Variants in FAT3 observed in about 807,000 individuals in gnomAD.
FAT3 encodes the protein protocadherin Fat 3.
Under a neutral mutation model 310.2 loss-of-function variants are expected in FAT3, and 95 were observed. The ratio of observed to expected loss-of-function variants is 0.31; its 90% CI spans 0.26 to 0.36. The LOEUF (loss-of-function observed/expected upper bound fraction) is 0.36. Among genes scored for constraint, FAT3 ranks in the 10% least tolerant of loss-of-function variants. The pLI, the probability that FAT3 is intolerant of heterozygous loss-of-function variation, is 1.00. For missense variants in FAT3, 5,408 were observed against 5,715.6 expected (o/e 0.95, Z 1.74); for synonymous variants, 2,314 against 2,192.9 (o/e 1.06, Z -1.54).
intron 2 of FAT3, among the ~76,000 whole-genome samples, chr11:92,500,701 T>C (rs969203244): frequency 1.3e-5 from 2 of 151,960 alleles, no homozygotes; most frequent in African/African-American, 4.8e-5. Context: ...TGTAATCGGT[T>C]TTGCCAGCAG....
chr11:92,411,140 A>T (rs1396907493), intron 2 of FAT3, among the ~76,000 whole-genome samples: 1 of 91,310 alleles, frequency 1.1e-5, no homozygotes, highest in Admixed American at 1.7e-4. Flanking sequence ...TATATATTAT[A>T]TATATAAATT....
chr11:92,725,043 GA>G (rs1944961292), intron 4 of FAT3, among the ~76,000 whole-genome samples: 1 of 151,476 alleles, frequency 6.6e-6, no homozygotes, highest in South Asian at 2.1e-4. Context: ...CACAAGACAA[GA>G]ATGGAAAAAA....
chr11:92,570,281 T>C (rs1955627037), intron 3 of FAT3, among the ~76,000 whole-genome samples: 1 of 152,150 alleles, frequency 6.6e-6, no homozygotes, highest in African/African-American at 2.4e-5. Flanking sequence ...GTGAGATTCT[T>C]GAAGACAAGC....
At chr11:92,314,843 T>C (rs1947395381) in intron 1 of FAT3, among the ~76,000 whole-genome samples, 1 of 152,142 alleles carries the variant, frequency 6.6e-6, no homozygotes, top group Non-Finnish European at 1.5e-5. Flanking sequence ...CACTAGAACT[T>C]TTCCTTTTAA....
At chr11:92,667,029 A>T (rs1487250108) in intron 3 of FAT3, among the ~76,000 whole-genome samples, 1 of 152,004 alleles carries the variant, frequency 6.6e-6, no homozygotes, top group Non-Finnish European at 1.5e-5. Context: ...AGCGGAAACC[A>T]GCTACACCGA....
At position 92,790,052 on chromosome 11, in the gene FAT3, T is replaced by C. The variant is rs759310449; in HGVS notation, c.4445T>C (p.Ile1482Thr). The C allele has an allele frequency of 5.6e-6, 9 of 1,613,860 alleles. No individual in the cohort carries two copies. The highest frequency in any genetic ancestry group is 1.7e-5 in the Admixed American group (1 of 60,020). ...CTTCCAGACACGGAGATCCTGCAGA[T>C]TGAAGCCACAGATAGAGATGAGAAG... ...DVLPDTEILQIEATDRDEKHK... is the reference protein window; with the variant it reads ...DVLPDTEILQTEATDRDEKHK... Residue 1482 changes from isoleucine to threonine, a missense_variant, in exon 8 of 28, where the codon ATT becomes ACT. Ile to Thr is a moderately conservative substitution (Grantham distance 89). Transcript: ENST00000525166.
At chr11:92,328,672 T>C (rs1947827437) in intron 1 of FAT3, among the ~76,000 whole-genome samples, 1 of 152,216 alleles carries the variant, frequency 6.6e-6, no homozygotes, top group Non-Finnish European at 1.5e-5. Context: ...GCCGTGTGTA[T>C]AGGGGACATA....
At chr11:92,725,048 G>GA (rs968857842) in intron 4 of FAT3, among the ~76,000 whole-genome samples, 30 of 149,430 alleles carry the variant, frequency 2.0e-4, no homozygotes, top group Middle Eastern at 3.4e-3. Flanking sequence ...GACAAGAATG[G>GA]AAAAAAAAAC....
chr11:92,566,001 A>C (rs888742725), intron 3 of FAT3, among the ~76,000 whole-genome samples: 1 of 151,996 alleles, frequency 6.6e-6, no homozygotes, highest in East Asian at 1.9e-4. Flanking sequence ...CTCTCTCACC[A>C]CTCCTATTCA....
At chr11:92,713,010 A>G (rs915273130) in intron 4 of FAT3, among the ~76,000 whole-genome samples, 3 of 152,180 alleles carry the variant, frequency 2.0e-5, no homozygotes, top group African/African-American at 7.2e-5. Flanking sequence ...TCTGACCAAT[A>G]CATAAAAGAC....
intron 22 of FAT3, among the ~76,000 whole-genome samples, chr11:92,876,882 A>C (rs931504033): frequency 6.6e-6 from 1 of 152,200 alleles, no homozygotes; most frequent in East Asian, 1.9e-4. Context: ...AACATCAGTC[A>C]CTGACAAATT....
chr11:92,387,599 G>A (rs1237279267), intron 2 of FAT3, among the ~76,000 whole-genome samples: 2 of 152,174 alleles, frequency 1.3e-5, no homozygotes, highest in Admixed American at 6.5e-5. Context: ...GTGGCTGGAT[G>A]TAGGGGTAAG....
intron 3 of FAT3, among the ~76,000 whole-genome samples, chr11:92,555,434 C>A (rs993685249): frequency 1.3e-5 from 2 of 152,136 alleles, no homozygotes; most frequent in Admixed American, 1.3e-4. Context: ...AGATGTTTTT[C>A]TTTTTTATTA....
chr11:92,654,899 A>T (rs1180367950), intron 3 of FAT3, among the ~76,000 whole-genome samples: 5 of 152,092 alleles, frequency 3.3e-5, no homozygotes, highest in Non-Finnish European at 5.9e-5. Flanking sequence ...ATCCTACATG[A>T]CCTCACCAAG....
At chr11:92,294,371 G>T (rs1453580296) in intron 1 of FAT3, among the ~76,000 whole-genome samples, 1 of 152,006 alleles carries the variant, frequency 6.6e-6, no homozygotes, top group Non-Finnish European at 1.5e-5. Context: ...TTTGGGGGTG[G>T]AAGGGACACA....
chr11:92,471,633 G>T (rs1184646852), intron 2 of FAT3, among the ~76,000 whole-genome samples: 1 of 152,032 alleles, frequency 6.6e-6, no homozygotes, highest in Non-Finnish European at 1.5e-5. Flanking sequence ...GGACAACTTA[G>T]CCATATGCAA....
chr11:92,852,481 G>A (rs960229141), intron 19 of FAT3, among the ~76,000 whole-genome samples: 1 of 152,110 alleles, frequency 6.6e-6, no homozygotes, highest in Admixed American at 6.5e-5. Flanking sequence ...GTTTATGGCT[G>A]AGCATTTCCA....
intron 1 of FAT3, among the ~76,000 whole-genome samples, chr11:92,261,577 T>A (rs1002389702): frequency 6.6e-6 from 1 of 152,114 alleles, no homozygotes; most frequent in African/African-American, 2.4e-5. Context: ...ACTGTGTGAT[T>A]TTTTAGCTCA....
At chr11:92,350,577 G>A (rs1948537975) in intron 1 of FAT3, among the ~76,000 whole-genome samples, 1 of 151,926 alleles carries the variant, frequency 6.6e-6, no homozygotes, top group African/African-American at 2.4e-5. Context: ...TTGTGTGATG[G>A]GGAAAAGCAT....
Sources: allele counts gnomAD v4.1 joint callset (sites outside exome capture counted in the v4.1 genomes callset), GRCh38; gene constraint gnomAD v4.1.1; transcripts MANE v1.5; gene names NCBI Gene and HGNC (gene_info 2026-07-23, HGNC 2026-07-21).